Variants in ARHGAP23 observed in about 807,000 individuals in gnomAD.
The protein encoded by ARHGAP23 is rho GTPase-activating protein 23.
Under a neutral mutation model 136.3 loss-of-function variants are expected in ARHGAP23, and 34 were observed. The observed-to-expected ratio is 0.25, with a 90% confidence interval of 0.19 to 0.33. The LOEUF is 0.33. Among genes scored for constraint, ARHGAP23 ranks in the 10% least tolerant of loss-of-function variants. The probability of loss-of-function intolerance (pLI) is 1.00; values close to 1 mark genes in which losing one functional copy is unlikely to be tolerated. For missense variants in ARHGAP23, 1,808 were observed against 2,139.0 expected, an observed-to-expected ratio of 0.85 and a Z score of 3.05; for synonymous variants, 832 against 920.5, an observed-to-expected ratio of 0.90 and a Z score of 1.74.
intron 12 of ARHGAP23, among the ~76,000 whole-genome samples, chr17:38,478,417 ATT>A (rs33967787): frequency 6.9e-6 from 1 of 145,194 alleles, no homozygotes; most frequent in Non-Finnish European, 1.5e-5. Flanking sequence ...TTTTGGGATA[ATT>A]TTTTTTTTTT....
At chr17:38,430,419 C>T (rs1037796701) in intron 1 of ARHGAP23, among the ~76,000 whole-genome samples, 5 of 152,030 alleles carry the variant, frequency 3.3e-5, no homozygotes, top group Admixed American at 6.6e-5. Context: ...CCCCTCTCCT[C>T]GGGCTGACCC....
At chr17:38,438,264 C>T (rs990585572) in intron 1 of ARHGAP23, among the ~76,000 whole-genome samples, 3 of 142,558 alleles carry the variant, frequency 2.1e-5, no homozygotes, top group African/African-American at 5.3e-5. Context: ...GAAGTTGCAG[C>T]GAGCCAAGAT....
intron 1 of ARHGAP23, among the ~76,000 whole-genome samples, chr17:38,446,395 A>G (rs2039035723): frequency 6.6e-6 from 1 of 152,116 alleles, no homozygotes; most frequent in Admixed American, 6.6e-5. Flanking sequence ...TATGTAATAC[A>G]ATAATACAGA....
At chr17:38,505,214 C>T (rs566808486) in intron 23 of ARHGAP23, among the ~76,000 whole-genome samples, 18 of 151,644 alleles carry the variant, frequency 1.2e-4, no homozygotes, top group African/African-American at 3.4e-4. Context: ...TGCTTCTTTG[C>T]GTAGGCTGTT....
At chr17:38,447,335 G>A (rs551617794) in intron 1 of ARHGAP23, among the ~76,000 whole-genome samples, 2 of 150,080 alleles carry the variant, frequency 1.3e-5, no homozygotes, top group Non-Finnish European at 3.0e-5. Context: ...CCAGCTACTC[G>A]GGAGGCTGAG....
At position 38,508,922 on chromosome 17, in the gene ARHGAP23, G is replaced by A. The variant is rs139357308; in HGVS notation, c.3448-1022G>A. Among the ~76,000 whole-genome samples the A allele has an allele frequency of 2.1e-3, 312 of 152,068 alleles. 1 individual carries two copies. Among genetic ancestry groups the A allele is most frequent in the Non-Finnish European group, 3.6e-3 (248 of 67,974 alleles). On this transcript the variant is annotated intron_variant, in intron 23 of 23. Transcript: ENST00000622683. ...AAGTGAGTGTGGTGTTGGACAGGGA[G>A]GCCTGGATAGCAGCGCTGCTTGGGA...
chr17:38,477,865 C>T lies in ARHGAP23; in HGVS notation c.2405C>T (p.Ala802Val), dbSNP rs989746876. The T allele has an allele frequency of 4.5e-6, 7 of 1,548,576 alleles. No homozygotes were observed. Among genetic ancestry groups the T allele is most frequent in the Admixed American group, 3.9e-5 (2 of 50,966 alleles). ...DRDDMLGWIR[A>V]IRENSRAEGE... ...GATGACATGCTGGGCTGGATCAGAGCGATCCGGGAGAACAGCAGGGCCGAG... is the reference window on the plus strand; with the variant it reads ...GATGACATGCTGGGCTGGATCAGAGTGATCCGGGAGAACAGCAGGGCCGAG... The change falls in exon 12 of 24, where the codon GCG (alanine) becomes GTG (valine). Residue 802 changes from alanine (A) to valine (V), a missense_variant. Physicochemically the swap from Ala to Val is moderately conservative, Grantham distance 64. Around this residue, in one of 7 missense-constraint regions of ARHGAP23, gnomAD observed 139 missense variants for 264.3 expected, o/e 0.53. Transcript: ENST00000622683. The surrounding 1 kb of genome is among the most constrained non-coding windows in gnomAD (Gnocchi z 6.6).
In ARHGAP23 at chr17:38,466,195, G is replaced by T; in HGVS notation, c.512G>T (p.Gly171Val). 1 of 1,515,332 alleles carries T rather than the reference G, an allele frequency of 6.6e-7. No homozygotes were observed. Among genetic ancestry groups the T allele is most frequent in the Non-Finnish European group, 8.9e-7 (1 of 1,125,736 alleles). 93.9% of individuals were successfully genotyped at this position (1,515,332 alleles called of 1,614,324 possible). Residue 171 changes from glycine to valine, a missense_variant, in exon 7 of 24, where the codon GGG becomes GTG. Transcript: ENST00000622683. ...LAYSQDAYLK[G>V]NEPYSGEARS... ...TACTCCCAGGATGCCTACCTGAAAGGGAACGAGCCGTATTCTGGAGAGGCC... is the reference window on the plus strand; with the variant it reads ...TACTCCCAGGATGCCTACCTGAAAGTGAACGAGCCGTATTCTGGAGAGGCC...
At chr17:38,420,204 G>A (rs1680647706) in intron 1 of ARHGAP23, among the ~76,000 whole-genome samples, 1 of 152,240 alleles carries the variant, frequency 6.6e-6, no homozygotes, top group Non-Finnish European at 1.5e-5. Flanking sequence ...CCTTCAGTGA[G>A]CAAGGGGCTG....
chr17:38,465,559 A>T (rs1197951044), intron 6 of ARHGAP23, among the ~76,000 whole-genome samples: 1 of 152,202 alleles, frequency 6.6e-6, no homozygotes, highest in Non-Finnish European at 1.5e-5. Context: ...CGTCAGCCTC[A>T]GCTCCCAGTG....
intron 7 of ARHGAP23, among the ~76,000 whole-genome samples, chr17:38,468,354 G>C (rs1175891147): frequency 6.6e-6 from 1 of 152,094 alleles, no homozygotes; most frequent in Non-Finnish European, 1.5e-5. Flanking sequence ...GCCGGGCTTG[G>C]GGGTGGTGCC....
chr17:38,446,675 G>A (rs62073429), intron 1 of ARHGAP23, among the ~76,000 whole-genome samples: 13,483 of 150,056 alleles, frequency 0.09, 1,215 homozygotes, highest in African/African-American at 0.23. Context: ...GCAACGGCGC[G>A]CTCTTGGCTC....
intron 1 of ARHGAP23, among the ~76,000 whole-genome samples, chr17:38,420,756 T>G (rs564161859): frequency 6.6e-6 from 1 of 152,244 alleles, no homozygotes; most frequent in South Asian, 2.1e-4. Context: ...GGGCATTAAT[T>G]TAAATGGCCA....
intron 1 of ARHGAP23, among the ~76,000 whole-genome samples, chr17:38,445,282 C>G (rs903225252): frequency 7.4e-6 from 1 of 135,822 alleles, no homozygotes; most frequent in African/African-American, 2.8e-5. Context: ...CTGGCTAACA[C>G]AGTGAAACCC....
At chr17:38,509,804 T>A in intron 23 of ARHGAP23, 140 bp from the exon 24 acceptor site, 1 of 618,380 alleles carries the variant, frequency 1.6e-6, no homozygotes, top group Non-Finnish European at 2.3e-6. Context: ...AGGAGCGTTT[T>A]ATGATGCGGC....
intron 1 of ARHGAP23, among the ~76,000 whole-genome samples, chr17:38,439,418 G>C (rs1888073622): frequency 2.0e-5 from 3 of 152,182 alleles, no homozygotes; most frequent in Admixed American, 2.0e-4. Context: ...ACTTTGTCTT[G>C]TTCACTGCTC....
In ARHGAP23 at chr17:38,466,880, G is replaced by A. The variant is rs763428026; in HGVS notation, c.1197G>A (p.Gly399=). ...CCTGCCCAACTCGGGACCTGCCAGG[G>A]CCCCAGGCCCCACCCCCGTCTGGCC... ...TPACPTRDLP[G]PQAPPPSGLQ... is the part of the protein sequence containing the mutation. The change falls in exon 7 of 24, where the codon GGG becomes GGA. Residue 399 remains glycine, a synonymous_variant. Coordinates refer to ENST00000622683, the MANE Select transcript of ARHGAP23 (RefSeq NM_001199417.2). 49 of 1,549,824 alleles carry A rather than the reference G, an allele frequency of 3.2e-5. No individual in the cohort carries two copies. The highest frequency in any genetic ancestry group is 9.8e-5 in the Admixed American group (5 of 50,978).
intron 1 of ARHGAP23, chr17:38,457,490 A>G (rs1376084186): frequency 1.3e-5 from 2 of 156,106 alleles, no homozygotes; most frequent in Non-Finnish European, 2.9e-5. Flanking sequence ...TTGTGTGTGC[A>G]GGACTTTGAT....
intron 20 of ARHGAP23, chr17:38,491,832 G>T: frequency 2.4e-6 from 1 of 414,570 alleles, no homozygotes; most frequent in East Asian, 3.9e-5. Context: ...GGCAGGGAAG[G>T]TGCTACTGGT....
Sources: allele counts gnomAD v4.1 joint callset (sites outside exome capture counted in the v4.1 genomes callset), GRCh38; gene constraint gnomAD v4.1.1; regional missense constraint gnomAD v4.1.1; non-coding constraint Gnocchi (gnomAD v3.1); transcripts MANE v1.5; gene names NCBI Gene and HGNC (gene_info 2026-07-23, HGNC 2026-07-21).